Variants in DTNA observed in about 807,000 individuals in gnomAD.
The protein encoded by DTNA is dystrobrevin alpha, also known as dystrophin-related protein 3.
Under a neutral mutation model 100.7 loss-of-function variants are expected in DTNA, and 43 were observed. The ratio of observed to expected loss-of-function variants is 0.43; its 90% CI spans 0.33 to 0.55. DTNA has a LOEUF of 0.55. DTNA is among the 20% of genes least tolerant of loss of function. The pLI is 0.04. For missense variants in DTNA, 798 were observed against 953.9 expected (o/e 0.84, Z 2.15); for synonymous variants, 349 against 347.9 (o/e 1.00, Z -0.04).
At chr18:34,779,710 TTAGATGTGTG>T (rs772896535) in intron 3 of DTNA, among the ~76,000 whole-genome samples, 2 of 152,204 alleles carry the variant, frequency 1.3e-5, no homozygotes, top group Non-Finnish European at 2.9e-5. Context: ...TCAGGAACAG[TTAGATGTGTG>T]TCAATCAGAT....
rs1054899777 is a variant in DTNA at position 34,889,580 on chromosome 18, A to G, written c.*1846A>G. The G allele has an allele frequency of 6.1e-6, 6 of 985,300 alleles. No individual in the cohort carries two copies. The Admixed American group carries it at 2.5e-4, about 40-fold the overall frequency. 61.0% of individuals were successfully genotyped at this position (985,300 alleles called of 1,614,324 possible). On this transcript the variant is annotated 3_prime_UTR_variant, in exon 23 of 23. Coordinates refer to ENST00000444659, the MANE Select transcript of DTNA (RefSeq NM_001386795.1). Reference sequence around the variant, plus strand: ...GGTAGGTGCCCAGCCAAGTCCTGACATCTTCATGCCCCCTCTGCAGAGGGC... The same window carrying G: ...GGTAGGTGCCCAGCCAAGTCCTGACGTCTTCATGCCCCCTCTGCAGAGGGC...
intron 1 of DTNA, among the ~76,000 whole-genome samples, chr18:34,613,160 G>A (rs2054565865): frequency 6.6e-6 from 1 of 152,024 alleles, no homozygotes; most frequent in African/African-American, 2.4e-5. Context: ...TCTTTGATGT[G>A]GCTATTATAA....
chr18:34,589,576 T>G (rs981095954), intron 1 of DTNA, among the ~76,000 whole-genome samples: 1 of 152,068 alleles, frequency 6.6e-6, no homozygotes, highest in Non-Finnish European at 1.5e-5. Flanking sequence ...GCCACTGTAC[T>G]CCAGCCTGAG....
intron 17 of DTNA, chr18:34,868,341 G>A (rs549641544): frequency 9.6e-6 from 4 of 418,528 alleles, no homozygotes; most frequent in South Asian, 2.0e-4. Context: ...TTCTTATACT[G>A]ACCTCAGTCA....
chr18:34,644,183 G>T (rs1419547031), intron 1 of DTNA, among the ~76,000 whole-genome samples: 2 of 152,088 alleles, frequency 1.3e-5, no homozygotes, highest in African/African-American at 2.4e-5. Context: ...CCCTCTAGTG[G>T]AATTCTTAGT....
intron 18 of DTNA, 70 bp downstream of exon 18, chr18:34,875,468 G>C: frequency 6.2e-7 from 1 of 1,603,972 alleles, no homozygotes; most frequent in Non-Finnish European, 8.5e-7. Context: ...CTATTGAGTG[G>C]TCAAGAGTTG....
At chr18:34,825,911 T>G (rs571384120) in intron 9 of DTNA, among the ~76,000 whole-genome samples, 1 of 152,310 alleles carries the variant, frequency 6.6e-6, no homozygotes, top group East Asian at 1.9e-4. Context: ...TTTTAAAATC[T>G]AACAGACCAA....
intron 6 of DTNA, 186 bp from the exon 7 acceptor site, chr18:34,815,723 A>T (rs1050954128): frequency 5.1e-5 from 30 of 585,358 alleles, no homozygotes; most frequent in East Asian, 2.2e-4. Context: ...CTGCTTAGGT[A>T]TAAAAAGCAA....
chr18:34,547,060 T>C (rs1216795385), intron 1 of DTNA, among the ~76,000 whole-genome samples: 1 of 152,054 alleles, frequency 6.6e-6, no homozygotes, highest in Non-Finnish European at 1.5e-5. Flanking sequence ...TCTAAAATGA[T>C]ATAGAAAGAA....
intron 1 of DTNA, among the ~76,000 whole-genome samples, chr18:34,736,080 T>C (rs1465104305): frequency 2.0e-5 from 3 of 152,190 alleles, no homozygotes; most frequent in Admixed American, 6.5e-5. Context: ...TACCATGAAG[T>C]TGGAAATTCT....
intron 7 of DTNA, 34 bp downstream of exon 7, chr18:34,816,048 T>G: frequency 6.3e-7 from 1 of 1,595,116 alleles, no homozygotes; most frequent in Non-Finnish European, 8.6e-7. Context: ...GGTGATTTTT[T>G]AAATTATTGA....
intron 13 of DTNA, among the ~76,000 whole-genome samples, chr18:34,844,489 C>T (rs1044248178): frequency 1.2e-4 from 19 of 152,210 alleles, no homozygotes; most frequent in African/African-American, 4.1e-4. Context: ...ATTCCCTTAG[C>T]ATTTTGCTCT....
intron 9 of DTNA, among the ~76,000 whole-genome samples, chr18:34,826,897 C>T (rs1478727862): frequency 6.6e-6 from 1 of 152,112 alleles, no homozygotes; most frequent in Non-Finnish European, 1.5e-5. Context: ...AGACAGACTC[C>T]ATGCAGTTGG....
chr18:34,720,154 CAA>C (rs1020817507), intron 1 of DTNA, among the ~76,000 whole-genome samples: 2 of 152,078 alleles, frequency 1.3e-5, no homozygotes, highest in Non-Finnish European at 2.9e-5. Flanking sequence ...GTCACAAAGT[CAA>C]AGTCAAGCAG....
chr18:34,590,343 C>G (rs1465021561), intron 1 of DTNA, among the ~76,000 whole-genome samples: 3 of 151,428 alleles, frequency 2.0e-5, no homozygotes, highest in Non-Finnish European at 4.4e-5. Flanking sequence ...CAATTATACC[C>G]CAAATTATTT....
At chr18:34,568,774 C>T (rs542474019) in intron 1 of DTNA, among the ~76,000 whole-genome samples, 1 of 152,180 alleles carries the variant, frequency 6.6e-6, no homozygotes, top group East Asian at 1.9e-4. Flanking sequence ...CAGGCACGTA[C>T]CACCATGCCT....
chr18:34,830,274 A>T (rs968648090), intron 11 of DTNA, among the ~76,000 whole-genome samples: 1 of 152,086 alleles, frequency 6.6e-6, no homozygotes. Flanking sequence ...GGCAGCACCG[A>T]GAAAGTAGAG....
At chr18:34,562,862 C>G (rs1471081708) in intron 1 of DTNA, among the ~76,000 whole-genome samples, 1 of 152,150 alleles carries the variant, frequency 6.6e-6, no homozygotes, top group East Asian at 1.9e-4. Flanking sequence ...ACAGATAATT[C>G]TATGCTATCC....
rs372301591 is a variant in DTNA at position 34,818,137 on chromosome 18, G to A, written c.710-27G>A. 132 of 1,613,754 alleles carry A rather than the reference G, an allele frequency of 8.2e-5. No homozygotes were observed. In the African/African-American group the frequency reaches 1.5e-3, roughly 19 times the overall value. ...TCTGGTTCATACTTTTGTTTTCTTGGTTTTTCTTCACTTACTTCCCCCTTA... is the reference window on the plus strand; with the variant it reads ...TCTGGTTCATACTTTTGTTTTCTTGATTTTTCTTCACTTACTTCCCCCTTA... On this transcript the variant is annotated intron_variant, in intron 7 of 22. Coordinates refer to ENST00000444659, the MANE Select transcript of DTNA (RefSeq NM_001386795.1).
Sources: gnomAD v4.1 joint callset for allele counts (sites outside exome capture counted in the v4.1 genomes callset) on GRCh38, gnomAD v4.1.1 for gene constraint, MANE v1.5 for transcripts, NCBI Gene and HGNC (gene_info 2026-07-23, HGNC 2026-07-21) for gene names.